KIT: variants seen among roughly 807,000 people sequenced by gnomAD.
The protein encoded by KIT is KIT proto-oncogene, receptor tyrosine kinase.
KIT carries 16 observed loss-of-function variants against 105.7 expected under a neutral mutation model. That is an observed-to-expected ratio of 0.15 (90% confidence interval 0.10 to 0.23). The LOEUF (loss-of-function observed/expected upper bound fraction) is 0.23, where lower values mean the gene tolerates loss of function less well. Ranked by LOEUF, KIT falls within the 10% of genes least tolerant of loss-of-function variation. The pLI, the probability that KIT is intolerant of heterozygous loss-of-function variation, is 1.00. For missense variants in KIT, 858 were observed against 1,213.8 expected, an observed-to-expected ratio of 0.71 and a Z score of 4.36; for synonymous variants, 438 against 441.1, an observed-to-expected ratio of 0.99 and a Z score of 0.09.
intron 1 of KIT, among the ~76,000 whole-genome samples, chr4:54,681,378 G>A (rs1718906040): frequency 6.6e-6 from 1 of 152,162 alleles, no homozygotes; most frequent in African/African-American, 2.4e-5. Flanking sequence ...ATGGATCCCA[G>A]TATATTTTGC....
At chr4:54,680,720 C>T (rs1295811489) in intron 1 of KIT, among the ~76,000 whole-genome samples, 2 of 152,110 alleles carry the variant, frequency 1.3e-5, no homozygotes, top group Admixed American at 1.3e-4. Context: ...ACTCCATTTC[C>T]CCTCCTGAGC....
intron 1 of KIT, among the ~76,000 whole-genome samples, chr4:54,660,666 C>T (rs1717192356): frequency 6.6e-6 from 1 of 152,062 alleles, no homozygotes; most frequent in South Asian, 2.1e-4. Context: ...TTCTAGTAGT[C>T]TCAATGAGCC....
chr4:54,669,589 C>T (rs985833881), intron 1 of KIT, among the ~76,000 whole-genome samples: 3 of 151,872 alleles, frequency 2.0e-5, no homozygotes, highest in African/African-American at 7.3e-5. Context: ...ATTATTGAAG[C>T]ATCGGAGGTG....
chr4:54,731,142 C>T (rs543902398), intron 14 of KIT, among the ~76,000 whole-genome samples, 186 bp from the exon 15 acceptor site: 22 of 152,224 alleles, frequency 1.4e-4, no homozygotes, highest in Non-Finnish European at 2.5e-4. Context: ...ACCCCAATAT[C>T]GATTATTAAA....
At chr4:54,703,216 TGA>T (rs1260515250) in intron 4 of KIT, among the ~76,000 whole-genome samples, 1 of 152,202 alleles carries the variant, frequency 6.6e-6, no homozygotes. Context: ...TTCTGCTGGG[TGA>T]GAACTGCAGG....
At chr4:54,675,952 A>G (rs181824516) in intron 1 of KIT, among the ~76,000 whole-genome samples, 2 of 152,238 alleles carry the variant, frequency 1.3e-5, no homozygotes, top group Non-Finnish European at 2.9e-5. Flanking sequence ...AACATTTCCC[A>G]CTTCTAAAGC....
intron 7 of KIT, among the ~76,000 whole-genome samples, chr4:54,716,422 TAA>T (rs1417479557): frequency 6.6e-6 from 1 of 152,186 alleles, no homozygotes; most frequent in African/African-American, 2.4e-5. Context: ...TAAGCAAAAA[TAA>T]AAATCAAGTT....
chr4:54,676,299 A>C (rs1718464389), intron 1 of KIT, among the ~76,000 whole-genome samples: 1 of 152,138 alleles, frequency 6.6e-6, no homozygotes, highest in Admixed American at 6.5e-5. Context: ...CTGTTTTAAC[A>C]AGCTCTCCAG....
At chr4:54,714,284 T>G (rs909758307) in intron 7 of KIT, among the ~76,000 whole-genome samples, 1 of 152,170 alleles carries the variant, frequency 6.6e-6, no homozygotes, top group Non-Finnish European at 1.5e-5. Context: ...AAAAATGACA[T>G]TGCCAAGATG....
At chr4:54,704,807 TAATA>T (rs1720681074) in intron 5 of KIT, among the ~76,000 whole-genome samples, 3 of 152,134 alleles carry the variant, frequency 2.0e-5, no homozygotes, top group Non-Finnish European at 4.4e-5. Context: ...TCAAGAACAA[TAATA>T]AAGTGATGCG....
chr4:54,703,057 A>G (rs1439412854), intron 4 of KIT, among the ~76,000 whole-genome samples: 1 of 152,164 alleles, frequency 6.6e-6, no homozygotes, highest in African/African-American at 2.4e-5. Flanking sequence ...AAATCTCTCC[A>G]TGTCTTGTCT....
chr4:54,723,975 A>G (rs956691008), intron 8 of KIT, among the ~76,000 whole-genome samples: 9 of 152,184 alleles, frequency 5.9e-5, no homozygotes, highest in Non-Finnish European at 1.2e-4. Context: ...AGATAAAGCA[A>G]TTTTGCAGGA....
intron 1 of KIT, among the ~76,000 whole-genome samples, chr4:54,662,045 A>T (rs78982989): frequency 6.6e-6 from 1 of 152,044 alleles, no homozygotes; most frequent in Admixed American, 6.5e-5. Flanking sequence ...CAATCTAGAG[A>T]TTTTTTTTAA....
At chr4:54,727,740 A>G (rs1407028572) in intron 11 of KIT, 83 bp from the exon 12 acceptor site, 1 of 1,325,224 alleles carries the variant, frequency 7.5e-7, no homozygotes, top group Admixed American at 1.8e-5. Flanking sequence ...TAATTCCTTT[A>G]TTGATTTTGA....
In KIT at chr4:54,739,821, T is replaced by G. The variant is rs1403602814; in HGVS notation, c.*1264T>G. 1 of 233,442 alleles carries G rather than the reference T, an allele frequency of 4.3e-6. No individual in the cohort carries two copies. Among genetic ancestry groups the G allele is most frequent in the African/African-American group, 2.2e-5 (1 of 45,332 alleles). The allele number at this position is 233,442 out of a possible 1,614,324, so 14.5% of individuals were successfully genotyped here. A position where few individuals can be genotyped will look rare whatever the true frequency, so the allele number is the denominator to read the frequency against. On this transcript the variant is annotated 3_prime_UTR_variant, in exon 21 of 21. Coordinates refer to ENST00000288135, the MANE Select transcript of KIT (RefSeq NM_000222.3). ...CTGTCTAGAGTAGCTTACCAGAAGC[T>G]TCCATAGTGGTGCAGAGGAAGTGGA...
At chr4:54,696,214 T>C (rs1657267977) in intron 2 of KIT, among the ~76,000 whole-genome samples, 1 of 152,146 alleles carries the variant, frequency 6.6e-6, no homozygotes, top group African/African-American at 2.4e-5. Context: ...AAGGAGTAAA[T>C]TTCAGAAAAA....
chr4:54,692,639 A>G (rs544197505), intron 1 of KIT, among the ~76,000 whole-genome samples: 1 of 152,316 alleles, frequency 6.6e-6, no homozygotes, highest in South Asian at 2.1e-4. Context: ...AAAAGGAATA[A>G]ATAATATAAA....
Position 54,698,381 on chromosome 4 carries a change from T to C in KIT, c.435T>C (p.Asn145=). 6.2e-7 allele frequency: 1 copy of C among 1,614,156 alleles called. No homozygotes were observed. Among genetic ancestry groups the C allele is most frequent in the African/African-American group, 1.3e-5 (1 of 75,054 alleles). Residue 145 remains asparagine, a synonymous_variant, in exon 3 of 21, where the codon AAT becomes AAC. Transcript: ENST00000288135. The part of the protein sequence containing the change: ...RCPLTDPEVT[N]YSLKGCQGKP... Reference sequence around the variant, plus strand: ...CTCTCACAGACCCAGAAGTGACCAATTATTCCCTCAAGGGGTGCCAGGGGA... The same window carrying C: ...CTCTCACAGACCCAGAAGTGACCAACTATTCCCTCAAGGGGTGCCAGGGGA...
intron 1 of KIT, among the ~76,000 whole-genome samples, chr4:54,673,802 CTG>C (rs1279775943): frequency 4.6e-5 from 7 of 152,214 alleles, no homozygotes; most frequent in South Asian, 4.1e-4. Flanking sequence ...TTAGGAGACT[CTG>C]TTAGTTGTTT....
Sources: allele counts gnomAD v4.1 joint callset (sites outside exome capture counted in the v4.1 genomes callset), GRCh38; gene constraint gnomAD v4.1.1; transcripts MANE v1.5; gene names NCBI Gene and HGNC (gene_info 2026-07-23, HGNC 2026-07-21).